ZSWIM6: variants seen among roughly 807,000 people sequenced by gnomAD.
The protein encoded by ZSWIM6 is zinc finger SWIM-type containing 6, also known as zinc finger SWIM domain-containing protein 6.
In ZSWIM6, 9 loss-of-function variants were observed where a neutral mutation model predicts 113.2. The observed-to-expected ratio is 0.08, with a 90% CI of 0.05 to 0.14. The LOEUF is 0.14. Ranked by LOEUF, ZSWIM6 falls within the 10% of genes least tolerant of loss-of-function variation. The pLI is 1.00. For missense variants in ZSWIM6, 1,162 were observed against 1,552.2 expected (o/e 0.75, Z 4.22); for synonymous variants, 611 against 606.5 (o/e 1.01, Z -0.11).
intron 1 of ZSWIM6, among the ~76,000 whole-genome samples, chr5:61,455,305 T>C (rs905604490): frequency 6.6e-6 from 1 of 152,190 alleles, no homozygotes; most frequent in East Asian, 1.9e-4. Flanking sequence ...TCATTTCCTC[T>C]AATGATTATT....
intron 1 of ZSWIM6, among the ~76,000 whole-genome samples, chr5:61,410,521 G>T (rs1238870529): frequency 6.6e-6 from 1 of 151,888 alleles, no homozygotes; most frequent in Non-Finnish European, 1.5e-5. Flanking sequence ...TGTTGGCCAG[G>T]ATGGTCTCGA....
chr5:61,380,284 C>T (rs1745448553), intron 1 of ZSWIM6, among the ~76,000 whole-genome samples: 1 of 152,146 alleles, frequency 6.6e-6, no homozygotes, highest in Admixed American at 6.5e-5. Context: ...CCCTGTTGGC[C>T]AGGCTGGTCT....
At chr5:61,523,006 C>T (rs1014760269) in intron 5 of ZSWIM6, among the ~76,000 whole-genome samples, 2 of 152,166 alleles carry the variant, frequency 1.3e-5, no homozygotes, top group South Asian at 2.1e-4. Context: ...GAGTTCATTT[C>T]GCTTATGGTT....
chr5:61,536,945 A>G (rs1165645397), intron 10 of ZSWIM6, among the ~76,000 whole-genome samples: 1 of 152,226 alleles, frequency 6.6e-6, no homozygotes, highest in Non-Finnish European at 1.5e-5. Context: ...GCACGATTTT[A>G]AAATAAGTGG....
At chr5:61,487,912 A>G (rs1461537263) in intron 2 of ZSWIM6, among the ~76,000 whole-genome samples, 1 of 152,026 alleles carries the variant, frequency 6.6e-6, no homozygotes, top group Non-Finnish European at 1.5e-5. Context: ...TTCCAGCATT[A>G]TGTTGAATAT....
chr5:61,410,109 A>G (rs1746123901), intron 1 of ZSWIM6, among the ~76,000 whole-genome samples: 1 of 152,118 alleles, frequency 6.6e-6, no homozygotes. Flanking sequence ...TCACCTATGT[A>G]TAGCAGCCCA....
chr5:61,431,562 G>A (rs900229018), intron 1 of ZSWIM6, among the ~76,000 whole-genome samples: 3 of 151,188 alleles, frequency 2.0e-5, no homozygotes, highest in East Asian at 2.0e-4. Context: ...TGGCTAATGC[G>A]GTGAAACACT....
At chr5:61,504,383 A>G (rs1385319220) in intron 4 of ZSWIM6, among the ~76,000 whole-genome samples, 1 of 152,200 alleles carries the variant, frequency 6.6e-6, no homozygotes, top group African/African-American at 2.4e-5. Context: ...TGATTATACT[A>G]TCATACACAA....
intron 2 of ZSWIM6, among the ~76,000 whole-genome samples, chr5:61,487,552 T>A (rs1748053986): frequency 6.6e-6 from 1 of 152,120 alleles, no homozygotes. Flanking sequence ...GTTTGTGTCA[T>A]CTTTAATTTC....
intron 1 of ZSWIM6, among the ~76,000 whole-genome samples, chr5:61,470,314 A>C (rs1436600715): frequency 1.3e-5 from 2 of 152,222 alleles, no homozygotes; most frequent in African/African-American, 4.8e-5. Flanking sequence ...GTGCAAGTAC[A>C]TATATGACAG....
chr5:61,380,192 C>T (rs1745446647), intron 1 of ZSWIM6, among the ~76,000 whole-genome samples: 1 of 152,170 alleles, frequency 6.6e-6, no homozygotes, highest in Admixed American at 6.5e-5. Flanking sequence ...TCTCTTGCCT[C>T]AGCATCCCGA....
At chr5:61,450,148 C>T (rs957510818) in intron 1 of ZSWIM6, among the ~76,000 whole-genome samples, 2 of 152,218 alleles carry the variant, frequency 1.3e-5, no homozygotes, top group Non-Finnish European at 1.5e-5. Context: ...AGCCTTTCAA[C>T]ATCCTCAGCC....
chr5:61,393,105 T>C (rs1187499428), intron 1 of ZSWIM6, among the ~76,000 whole-genome samples: 1 of 151,912 alleles, frequency 6.6e-6, no homozygotes, highest in Non-Finnish European at 1.5e-5. Flanking sequence ...AGTGGTGCGA[T>C]CTTGGCTCAC....
chr5:61,384,779 C>G (rs1314052298), intron 1 of ZSWIM6, among the ~76,000 whole-genome samples: 3 of 152,022 alleles, frequency 2.0e-5, no homozygotes, highest in African/African-American at 4.8e-5. Context: ...TGGAGGAGGC[C>G]GGGCGCGGTG....
Position 61,414,525 on chromosome 5 carries a change from A to G in ZSWIM6, c.677-58156A>G, listed in dbSNP as rs540211659. On this transcript the variant is annotated intron_variant, in intron 1 of 13. Coordinates refer to ENST00000252744, the MANE Select transcript of ZSWIM6 (RefSeq NM_020928.2). ...GCCCTGTAGAATTAGGGCAGAGGAA[A>G]AAAGATATTTCCTGTGCCAACTATA... Among the ~76,000 whole-genome samples, 6 of 152,330 alleles carry G rather than the reference A, an allele frequency of 3.9e-5. No homozygotes were observed. The South Asian group carries it at 1.0e-3, about 26-fold the overall frequency.
chr5:61,539,631 A>C lies in ZSWIM6; in HGVS notation c.2575A>C (p.Ile859Leu). ...VRRLETVLES[I>L]QKNIHSSSHI... is the part of the protein sequence containing the mutation. ...GAGGCTGGAAACAGTATTAGAATCC[A>C]TCCAGAAAAACATTCACTCCTCATC... Residue 859 changes from isoleucine to leucine, a missense_variant, in exon 12 of 14, where the codon ATC becomes CTC. Physicochemically the swap from Ile to Leu is conservative, Grantham distance 5. Coordinates refer to ENST00000252744, the MANE Select transcript of ZSWIM6 (RefSeq NM_020928.2). 1.3e-6 allele frequency: 2 copies of C among 1,552,028 alleles called. No homozygotes were observed. Among genetic ancestry groups the C allele is most frequent in the Non-Finnish European group, 1.7e-6 (2 of 1,147,040 alleles).
At chr5:61,416,668 C>T (rs976779772) in intron 1 of ZSWIM6, among the ~76,000 whole-genome samples, 2 of 152,252 alleles carry the variant, frequency 1.3e-5, no homozygotes, top group Non-Finnish European at 2.9e-5. Context: ...TTTGGCCTCA[C>T]GCAGTGCACT....
chr5:61,355,499 A>G (rs975302107), intron 1 of ZSWIM6, among the ~76,000 whole-genome samples: 1 of 136,646 alleles, frequency 7.3e-6, no homozygotes, highest in Non-Finnish European at 1.6e-5. Context: ...CACACACACT[A>G]TTAGATGGCA....
intron 1 of ZSWIM6, among the ~76,000 whole-genome samples, chr5:61,454,567 GTTTTTTTTT>G (rs35249460): frequency 2.3e-5 from 3 of 128,244 alleles, no homozygotes; most frequent in Non-Finnish European, 4.9e-5. Context: ...CTATCCCTAA[GTTTTTTTTT>G]TTTTTTTTTT....
Sources: allele counts gnomAD v4.1 joint callset (sites outside exome capture counted in the v4.1 genomes callset), GRCh38; gene constraint gnomAD v4.1.1; transcripts MANE v1.5; gene names NCBI Gene and HGNC (gene_info 2026-07-23, HGNC 2026-07-21).